RBFOX1: variants seen among roughly 807,000 people sequenced by gnomAD.
The protein encoded by RBFOX1 is RNA binding protein fox-1 homolog 1.
In RBFOX1, 8 loss-of-function variants were observed where a neutral mutation model predicts 57.7. The observed-to-expected ratio is 0.14, with a 90% CI of 0.08 to 0.25. The LOEUF is 0.25. RBFOX1 is among the 10% of genes least tolerant of loss of function. The pLI, the probability that RBFOX1 is intolerant of heterozygous loss-of-function variation, is 1.00. For synonymous variants in RBFOX1, 326 were observed against 222.4 expected, an observed-to-expected ratio of 1.47 and a Z score of -4.15; for missense variants, 611 against 548.5, an observed-to-expected ratio of 1.11 and a Z score of -1.14.
intron 4 of RBFOX1, among the ~76,000 whole-genome samples, chr16:7,070,954 C>G (rs1476965701): frequency 2.0e-5 from 3 of 152,024 alleles, no homozygotes; most frequent in South Asian, 4.1e-4. Context: ...TTGGAAAATC[C>G]TTAGTGCAAG....
At chr16:5,748,115 C>T (rs1279575922) in intron 3 of RBFOX1, among the ~76,000 whole-genome samples, 1 of 152,126 alleles carries the variant, frequency 6.6e-6, no homozygotes, top group Admixed American at 6.6e-5. Flanking sequence ...TTTATTTCTG[C>T]CTTCATTTCG....
rs2078521519 is a variant in RBFOX1, at chr16:6,772,673, G to A, written c.-16+118023G>A. Among the ~76,000 whole-genome samples the A allele has an allele frequency of 2.7e-5, 4 of 148,608 alleles. No homozygotes were observed. The South Asian group carries it at 8.7e-4, about 32-fold the overall frequency. On this transcript the variant is annotated intron_variant, in intron 3 of 15. Coordinates refer to ENST00000550418, the MANE Select transcript of RBFOX1 (RefSeq NM_018723.4). ...GTGTGTGTGTGTATGTGGACTTTGA[G>A]TGCATTTGTGTGTGTATATGTGGGT...
intron 4 of RBFOX1, among the ~76,000 whole-genome samples, chr16:7,192,871 T>C (rs189168877): frequency 3.9e-5 from 6 of 152,352 alleles, no homozygotes; most frequent in Admixed American, 3.9e-4. Context: ...GAGGATCATG[T>C]GCTTACAACA....
chr16:6,239,722 C>G (rs1231372907), intron 1 of RBFOX1, among the ~76,000 whole-genome samples: 1 of 152,058 alleles, frequency 6.6e-6, no homozygotes, highest in Non-Finnish European at 1.5e-5. Flanking sequence ...TGGTCTTGAA[C>G]TCCTGACCTC....
chr16:6,015,401 G>C (rs950523916), upstream of RBFOX1, among the ~76,000 whole-genome samples: 1 of 152,174 alleles, frequency 6.6e-6, no homozygotes, highest in African/African-American at 2.4e-5. Context: ...GAAGCCCAGA[G>C]CACTGGCAGT....
At chr16:6,389,313 C>CATTG (rs1204228450) in intron 2 of RBFOX1, among the ~76,000 whole-genome samples, 2 of 152,106 alleles carry the variant, frequency 1.3e-5, no homozygotes, top group Non-Finnish European at 2.9e-5. Context: ...ATGGTGCAGG[C>CATTG]ATTGTCAAGA....
intron 4 of RBFOX1, among the ~76,000 whole-genome samples, chr16:7,058,279 T>G (rs75066871): frequency 2.7e-3 from 410 of 152,312 alleles, no homozygotes; most frequent in African/African-American, 9.4e-3. Flanking sequence ...ATGCTCAGTT[T>G]AAACTAAAGT....
At chr16:7,477,952 A>C (rs1176803976) in intron 4 of RBFOX1, among the ~76,000 whole-genome samples, 1 of 152,184 alleles carries the variant, frequency 6.6e-6, no homozygotes, top group Non-Finnish European at 1.5e-5. Flanking sequence ...GCACTCCCAC[A>C]CATAATTGAG....
chr16:6,078,730 A>G (rs2095951030), intron 1 of RBFOX1, among the ~76,000 whole-genome samples: 2 of 152,194 alleles, frequency 1.3e-5, no homozygotes, highest in African/African-American at 2.4e-5. Context: ...AATGGTAGCT[A>G]TCAATGTTGT....
chr16:6,710,107 C>A (rs185986178), intron 3 of RBFOX1, among the ~76,000 whole-genome samples: 1 of 152,018 alleles, frequency 6.6e-6, no homozygotes, highest in Non-Finnish European at 1.5e-5. Context: ...GGAACCACAG[C>A]AAAAATACCA....
At chr16:6,106,491 T>C (rs2096381222) in intron 1 of RBFOX1, among the ~76,000 whole-genome samples, 1 of 126,598 alleles carries the variant, frequency 7.9e-6, no homozygotes, top group African/African-American at 3.0e-5. Context: ...AAAAAGGTAG[T>C]TCCATGCTCT....
intron 3 of RBFOX1, among the ~76,000 whole-genome samples, chr16:6,923,218 G>C (rs867347141): frequency 3.5e-4 from 53 of 152,256 alleles, no homozygotes; most frequent in Middle Eastern, 6.8e-3. Context: ...CTCTCCATCA[G>C]CCCAGCCCCA....
chr16:6,330,684 C>T (rs1364834576), intron 2 of RBFOX1, among the ~76,000 whole-genome samples: 1 of 152,190 alleles, frequency 6.6e-6, no homozygotes, highest in African/African-American at 2.4e-5. Context: ...ACTCAGGGGT[C>T]TTACTTTCTC....
chr16:6,811,114 A>T (rs2088442736), intron 3 of RBFOX1, among the ~76,000 whole-genome samples: 1 of 152,212 alleles, frequency 6.6e-6, no homozygotes. Context: ...CTTGATAGAA[A>T]AGCCGATTTT....
intron 1 of RBFOX1, among the ~76,000 whole-genome samples, chr16:6,259,525 C>G (rs543360750): frequency 4.6e-5 from 7 of 152,280 alleles, no homozygotes; most frequent in African/African-American, 1.7e-4. Context: ...CTCAAACTCA[C>G]TTTGCCTTCC....
intron 1 of RBFOX1, among the ~76,000 whole-genome samples, chr16:5,429,693 T>A (rs967570367): frequency 5.3e-5 from 8 of 152,306 alleles, no homozygotes; most frequent in Admixed American, 4.6e-4. Context: ...GGGGCCATTA[T>A]CCCTCCTTCA....
intron 4 of RBFOX1, among the ~76,000 whole-genome samples, chr16:5,948,688 C>T (rs543974875): frequency 9.2e-5 from 14 of 152,150 alleles, no homozygotes; most frequent in Non-Finnish European, 2.1e-4. Context: ...CCGGGAGGGA[C>T]GCCTGATGTT....
chr16:6,849,536 G>C (rs6416815), intron 3 of RBFOX1, among the ~76,000 whole-genome samples: 72,498 of 151,914 alleles, frequency 0.48, 18,355 homozygotes, highest in African/African-American at 0.64. Flanking sequence ...GGGTATGGTG[G>C]TGCATGCCTG....
intron 3 of RBFOX1, among the ~76,000 whole-genome samples, chr16:6,785,611 T>C (rs1462502147): frequency 6.6e-6 from 1 of 152,186 alleles, no homozygotes; most frequent in African/African-American, 2.4e-5. Context: ...TTTTCCTTTG[T>C]TTTCAACTGC....
Sources: allele counts gnomAD v4.1 joint callset (sites outside exome capture counted in the v4.1 genomes callset), GRCh38; gene constraint gnomAD v4.1.1; transcripts MANE v1.5; gene names NCBI Gene and HGNC (gene_info 2026-07-23, HGNC 2026-07-21).